Variants in HORMAD1 observed in about 807,000 individuals in gnomAD.
HORMAD1 encodes HORMA domain containing 1.
In HORMAD1, 33 loss-of-function variants were observed where a neutral mutation model predicts 58.2. The ratio of observed to expected loss-of-function variants is 0.57; its 90% CI spans 0.43 to 0.76. The LOEUF (loss-of-function observed/expected upper bound fraction) is 0.76. Among genes scored for constraint, HORMAD1 ranks in the 30% least tolerant of loss-of-function variants. HORMAD1 has a pLI of 0.00. For synonymous variants in HORMAD1, 137 were observed against 144.6 expected (o/e 0.95, Z 0.38); for missense variants, 363 against 462.0 (o/e 0.79, Z 1.96).
chr1:150,713,845 A>T, intron 5 of HORMAD1: 1 of 465,498 alleles, frequency 2.1e-6, no homozygotes. Context: ...AACACGTGTT[A>T]TTAATACAAA....
chr1:150,717,945 C>G (rs74541978), intron 2 of HORMAD1, among the ~76,000 whole-genome samples: 19 of 149,042 alleles, frequency 1.3e-4, no homozygotes, highest in African/African-American at 4.7e-4. Context: ...GACTCCATCT[C>G]AAAAAAAAAG....
intron 10 of HORMAD1, among the ~76,000 whole-genome samples, chr1:150,705,863 T>A (rs1651676994): frequency 1.3e-5 from 2 of 152,214 alleles, no homozygotes; most frequent in Non-Finnish European, 2.9e-5. Context: ...AGTCATAATT[T>A]AGAATAAATT....
intron 9 of HORMAD1, 49 bp downstream of exon 9, chr1:150,708,207 A>G (rs749346653): frequency 6.6e-5 from 90 of 1,358,258 alleles, no homozygotes; most frequent in Non-Finnish European, 8.6e-5. Flanking sequence ...TGTTTCAATA[A>G]TGATAAAACA....
rs182148367 is a variant in HORMAD1 at position 150,710,064 on chromosome 1, C to T, written c.328-1103G>A. ...ACTGAGGGAACTCAGAGACCGGCGC[C>T]GGTGCAGGTCCTTGGTATGCTGAGC... On this transcript the variant is annotated intron_variant, in intron 7 of 14. Transcript: ENST00000361824. Among the ~76,000 whole-genome samples the T allele has an allele frequency of 4.4e-3, 663 of 151,530 alleles. 4 individuals carry two copies. Among genetic ancestry groups the T allele is most frequent in the African/African-American group, 0.015 (614 of 41,358 alleles).
chr1:150,711,809 A>G (rs781500935), intron 6 of HORMAD1, 24 bp downstream of exon 6: 3 of 1,544,992 alleles, frequency 1.9e-6, no homozygotes, highest in South Asian at 2.3e-5. Flanking sequence ...TTAAAAAAAG[A>G]ACACACAATT....
At chr1:150,698,965 G>A (rs1651453179) in intron 14 of HORMAD1, 1 of 376,430 alleles carries the variant, frequency 2.7e-6, no homozygotes, top group Non-Finnish European at 4.8e-6. Context: ...CAGTAGGGCT[G>A]CTCTAGAAGT....
chr1:150,708,042 G>C (rs182758036), intron 9 of HORMAD1, among the ~76,000 whole-genome samples: 1 of 152,258 alleles, frequency 6.6e-6, no homozygotes, highest in African/African-American at 2.4e-5. Flanking sequence ...ATTTGAGTGA[G>C]GTTATACTTC....
intron 9 of HORMAD1, among the ~76,000 whole-genome samples, chr1:150,707,853 T>C (rs1224124231): frequency 6.6e-6 from 1 of 152,162 alleles, no homozygotes; most frequent in Non-Finnish European, 1.5e-5. Flanking sequence ...GGAGAATTGC[T>C]TGAACCCAGG....
At chr1:150,712,517 C>T (rs975256182) in intron 5 of HORMAD1, among the ~76,000 whole-genome samples, 1 of 152,140 alleles carries the variant, frequency 6.6e-6, no homozygotes, top group Non-Finnish European at 1.5e-5. Context: ...TCTCCTTCTA[C>T]AGCATATTCT....
At position 150,711,838 on chromosome 1, in the gene HORMAD1, G is replaced by A; in HGVS notation, c.295C>T (p.Leu99=). The stretch of plus-strand genomic sequence containing the variant: ...CACAATTTAAAAATACTTACAGCTA[G>A]AACAACCATCCTTAGCTGAAATACA... ...LQKKYLRMVV[L]AVYTNPEDPQ... The change falls in exon 6 of 15, where the codon CTA becomes TTA. Residue 99 remains leucine, a synonymous_variant. Transcript: ENST00000361824. 6.3e-7 allele frequency: 1 copy of A among 1,581,588 alleles called. No homozygotes were observed. Among genetic ancestry groups the A allele is most frequent in the Non-Finnish European group, 8.7e-7 (1 of 1,154,368 alleles).
At position 150,704,343 on chromosome 1, in the gene HORMAD1, C is replaced by T; in HGVS notation, c.805G>A (p.Asp269Asn). Reference sequence around the variant, plus strand: ...ATTTTAGTTTCAATGTCCAAATCATCCTACATAATTATGTGAAGAAAAAAA... The same window carrying T: ...ATTTTAGTTTCAATGTCCAAATCATTCTACATAATTATGTGAAGAAAAAAA... ...VEDEQEHYTS[D>N]DLDIETKMEE... The change falls in exon 11 of 15, where the codon GAT (aspartate) becomes AAT (asparagine). Residue 269 changes from aspartate (D) to asparagine (N), a missense_variant and splice_region_variant. This residue lies in a region of HORMAD1 where 226 missense variants were observed against 257.8 expected (regional missense o/e 0.88). Coordinates refer to ENST00000361824, the MANE Select transcript of HORMAD1 (RefSeq NM_032132.5). 6.4e-7 allele frequency: 1 copy of T among 1,556,908 alleles called. No individual in the cohort carries two copies. The highest frequency in any genetic ancestry group is 8.7e-7 in the Non-Finnish European group (1 of 1,149,854).
Position 150,708,359 on chromosome 1 carries a change from T to C in HORMAD1, c.444A>G (p.Lys148=), listed in dbSNP as rs1243455900. 1.2e-6 allele frequency: 2 copies of C among 1,610,068 alleles called. No homozygotes were observed. Among genetic ancestry groups the C allele is most frequent in the Non-Finnish European group, 8.5e-7 (1 of 1,177,240 alleles). ...ESSMLSTDTK[K]ASILLIRKIY... The stretch of plus-strand genomic sequence containing the variant: ...TCTTGCGAATGAGGAGAATGCTTGC[T>C]TTCTTGGTGTCAGTAGACAACATGC... The change falls in exon 9 of 15, where the codon AAA becomes AAG. Residue 148 remains lysine, a synonymous_variant. Coordinates refer to ENST00000361824, the MANE Select transcript of HORMAD1 (RefSeq NM_032132.5).
At chr1:150,708,129 G>C in intron 9 of HORMAD1, 127 bp downstream of exon 9, 1 of 610,472 alleles carries the variant, frequency 1.6e-6, no homozygotes. Context: ...CTTGAATAGT[G>C]ATATTAAGTG....
Position 150,711,864 on chromosome 1 carries a change from A to C in HORMAD1, c.280-11T>G. On this transcript the variant is annotated splice_polypyrimidine_tract_variant and intron_variant, in intron 5 of 14. Transcript: ENST00000361824. ...AACAACCATCCTTAGCTGAAATACA[A>C]CAAAGAACAAAAATCTTACTTGTAG... The C allele has an allele frequency of 6.5e-7, 1 of 1,546,076 alleles. No individual in the cohort carries two copies.
intron 13 of HORMAD1, among the ~76,000 whole-genome samples, chr1:150,700,408 G>T (rs1156965381): frequency 6.6e-6 from 1 of 152,244 alleles, no homozygotes; most frequent in East Asian, 1.9e-4. Flanking sequence ...CTGCCAAAGT[G>T]CTGGGATTAC....
chr1:150,705,990 A>G (rs996610364), intron 10 of HORMAD1, among the ~76,000 whole-genome samples: 9 of 152,214 alleles, frequency 5.9e-5, no homozygotes, highest in Non-Finnish European at 1.0e-4. Flanking sequence ...ACTCTTTTAT[A>G]CTTCTATTCA....
chr1:150,706,374 G>GT (rs1169735784), intron 10 of HORMAD1, among the ~76,000 whole-genome samples, 179 bp downstream of exon 10: 1 of 152,146 alleles, frequency 6.6e-6, no homozygotes, highest in Non-Finnish European at 1.5e-5. Context: ...GTACAATGTT[G>GT]TTTGGGCTAA....
intron 1 of HORMAD1, among the ~76,000 whole-genome samples, chr1:150,720,156 C>A (rs1045863176): frequency 6.6e-6 from 1 of 151,990 alleles, no homozygotes; most frequent in East Asian, 1.9e-4. Context: ...CTCACCGCAA[C>A]CTCCCCCTCT....
At chr1:150,703,716 A>AT (rs1423405200) in intron 12 of HORMAD1, among the ~76,000 whole-genome samples, 2 of 152,240 alleles carry the variant, frequency 1.3e-5, no homozygotes, top group East Asian at 3.9e-4. Context: ...CATCAATCAT[A>AT]TTTTTTCCAA....
Sources: gnomAD v4.1 joint callset for allele counts (sites outside exome capture counted in the v4.1 genomes callset) on GRCh38, gnomAD v4.1.1 for gene constraint, gnomAD v4.1.1 regional missense constraint, MANE v1.5 for transcripts, NCBI Gene and HGNC (gene_info 2026-07-23, HGNC 2026-07-21) for gene names.